Variants in INPP5A observed in about 807,000 individuals in gnomAD.
The protein encoded by INPP5A is inositol polyphosphate-5-phosphatase A.
A neutral mutation model predicts 65.2 loss-of-function variants in INPP5A; 14 were observed. That is an observed-to-expected ratio of 0.21 (90% CI 0.14 to 0.34). INPP5A has a LOEUF of 0.34. Ranked by LOEUF, INPP5A falls within the 10% of genes least tolerant of loss-of-function variation. INPP5A has a pLI of 1.00. For synonymous variants in INPP5A, 207 were observed against 208.3 expected, an observed-to-expected ratio of 0.99 and a Z score of 0.05; for missense variants, 431 against 545.6, an observed-to-expected ratio of 0.79 and a Z score of 2.09.
intron 11 of INPP5A, 120 bp from the exon 12 acceptor site, chr10:132,765,653 C>G: frequency 1.5e-6 from 1 of 675,672 alleles, no homozygotes; most frequent in Non-Finnish European, 2.7e-6. Context: ...ACAGATGTGG[C>G]GGCTCTGGGA....
chr10:132,737,081 A>G (rs1846189779), intron 9 of INPP5A, among the ~76,000 whole-genome samples: 1 of 152,230 alleles, frequency 6.6e-6, no homozygotes, highest in African/African-American at 2.4e-5. Context: ...CTGAGCTCCT[A>G]AAAACTGAGA....
chr10:132,700,060 G>A (rs369793660), intron 6 of INPP5A, among the ~76,000 whole-genome samples: 112 of 152,278 alleles, frequency 7.4e-4, no homozygotes, highest in African/African-American at 2.6e-3. Flanking sequence ...GGCATAGCAC[G>A]AGGGGCCGCC....
chr10:132,634,851 A>G (rs1488436059), intron 2 of INPP5A, among the ~76,000 whole-genome samples: 1 of 152,102 alleles, frequency 6.6e-6, no homozygotes, highest in Non-Finnish European at 1.5e-5. Context: ...CAGCCCTCCC[A>G]GGCTCATGGC....
intron 9 of INPP5A, among the ~76,000 whole-genome samples, chr10:132,733,049 C>T (rs558411584): frequency 6.6e-6 from 1 of 152,170 alleles, no homozygotes; most frequent in African/African-American, 2.4e-5. Context: ...CCAGGGGGGA[C>T]CCCTCCTTGC....
intron 8 of INPP5A, among the ~76,000 whole-genome samples, chr10:132,713,199 T>C (rs773954914): frequency 2.2e-4 from 34 of 151,896 alleles, no homozygotes; most frequent in Non-Finnish European, 4.4e-4. Flanking sequence ...TGCACATGTA[T>C]GTGTGTAGGT....
In INPP5A at chr10:132,538,019, A is replaced by C. The variant is rs559874623; in HGVS notation, c.-78A>C. The C allele has an allele frequency of 7.3e-6, 5 of 681,538 alleles. No homozygotes were observed. Among genetic ancestry groups the C allele is most frequent in the Non-Finnish European group, 9.0e-6 (5 of 555,556 alleles). The allele number at this position is 681,538 out of a possible 1,614,324, so 42.2% of individuals were successfully genotyped here. A position where few individuals can be genotyped will look rare whatever the true frequency, so the allele number is the denominator to read the frequency against. On this transcript the variant is annotated 5_prime_UTR_variant, in exon 1 of 16. Transcript: ENST00000368594. The surrounding 1 kb of genome is among the most constrained non-coding windows in gnomAD (Gnocchi z 4.1). ...CAGCTGACGCCCCGCGGCCCCGCGA[A>C]GACCCCGGCCGGCCGGTCCCGGAGG...
Position 132,555,381 on chromosome 10 carries a change from G to A in INPP5A, c.75+17210G>A, listed in dbSNP as rs2071113171. On this transcript the variant is annotated intron_variant, in intron 1 of 15. Transcript: ENST00000368594. This position sits in a 1 kb window ranked among gnomAD's most constrained non-coding sequence, Gnocchi z 4.4. ...GGCGCTGGCCCAGTGGAGCTGCTGG[G>A]GCCTATCTGTTTTTTTGAACTTCTG... is the stretch of plus-strand genomic sequence containing the variant. Among the ~76,000 whole-genome samples, 5 of 152,208 alleles carry A rather than the reference G, an allele frequency of 3.3e-5. No individual in the cohort carries two copies. In the South Asian group the frequency reaches 1.0e-3, roughly 32 times the overall value.
Position 132,608,541 on chromosome 10 carries a change from G to A in INPP5A, c.117+585G>A, listed in dbSNP as rs556796828. ...GCTGGTGCCCTCGCAGGTCTTCATG[G>A]AAGGAGCCACCTGGGGCCTGTGGCC... On this transcript the variant is annotated intron_variant, in intron 2 of 15. Coordinates refer to ENST00000368594, the MANE Select transcript of INPP5A (RefSeq NM_005539.5). 2.6e-5 allele frequency among the ~76,000 whole-genome samples: 4 copies of A among 152,360 alleles called. No homozygotes were observed. The South Asian group carries it at 6.2e-4, about 24-fold the overall frequency.
At chr10:132,633,022 G>A (rs1470910907) in intron 2 of INPP5A, among the ~76,000 whole-genome samples, 3 of 152,204 alleles carry the variant, frequency 2.0e-5, no homozygotes, top group African/African-American at 4.8e-5. Context: ...CTGGGGAGTT[G>A]GGGGGCTGGT....
At chr10:132,738,698 G>T (rs111879526) in intron 9 of INPP5A, among the ~76,000 whole-genome samples, 2 of 152,238 alleles carry the variant, frequency 1.3e-5, no homozygotes, top group Admixed American at 6.5e-5. Flanking sequence ...GCTGGAGTCC[G>T]GGAGCAACCT....
intron 2 of INPP5A, among the ~76,000 whole-genome samples, chr10:132,640,023 C>T (rs2072405253): frequency 6.6e-6 from 1 of 152,158 alleles, no homozygotes; most frequent in Non-Finnish European, 1.5e-5. Flanking sequence ...GCTTGAAAAC[C>T]TTCCTCTGCT....
chr10:132,549,023 C>A lies in INPP5A; in HGVS notation c.75+10852C>A, dbSNP rs915767115. 6.6e-6 allele frequency among the ~76,000 whole-genome samples: 1 copy of A among 152,000 alleles called. No individual in the cohort carries two copies. Among genetic ancestry groups the A allele is most frequent in the African/African-American group, 2.4e-5 (1 of 41,384 alleles). Reference sequence around the variant, plus strand: ...GCCCAGGCTGGTCTCGAATTCCTGGCCTCAAGTGATCCTCCCACCTTGGCC... The same window carrying A: ...GCCCAGGCTGGTCTCGAATTCCTGGACTCAAGTGATCCTCCCACCTTGGCC... On this transcript the variant is annotated intron_variant, in intron 1 of 15. Coordinates refer to ENST00000368594, the MANE Select transcript of INPP5A (RefSeq NM_005539.5). This position sits in a 1 kb window ranked among gnomAD's most constrained non-coding sequence, Gnocchi z 4.9.
At chr10:132,679,529 C>T (rs2073015755) in intron 4 of INPP5A, among the ~76,000 whole-genome samples, 1 of 151,998 alleles carries the variant, frequency 6.6e-6, no homozygotes, top group Admixed American at 6.6e-5. Flanking sequence ...TGAGCAGATC[C>T]AGAGTGCTGT....
rs1023979907 is a variant in INPP5A at position 132,549,220 on chromosome 10, G to T, written c.75+11049G>T. Among the ~76,000 whole-genome samples, 6 of 152,178 alleles carry T rather than the reference G, an allele frequency of 3.9e-5. No individual in the cohort carries two copies. Among genetic ancestry groups the T allele is most frequent in the Non-Finnish European group, 8.8e-5 (6 of 68,046 alleles). ...ACTGTTTGTGAATATGCACGTGCCTGTGTGGACGAGGGTGTCACTGCTCTA... is the reference window on the plus strand; with the variant it reads ...ACTGTTTGTGAATATGCACGTGCCTTTGTGGACGAGGGTGTCACTGCTCTA... On this transcript the variant is annotated intron_variant, in intron 1 of 15. Transcript: ENST00000368594. This position sits in a 1 kb window ranked among gnomAD's most constrained non-coding sequence, Gnocchi z 4.9.
intron 3 of INPP5A, among the ~76,000 whole-genome samples, chr10:132,647,411 C>T (rs1254344493): frequency 6.6e-6 from 1 of 152,194 alleles, no homozygotes; most frequent in East Asian, 1.9e-4. Context: ...AACCACCATG[C>T]CTGGCCAGTT....
chr10:132,726,032 G>A (rs141809468), intron 8 of INPP5A, among the ~76,000 whole-genome samples: 138 of 152,158 alleles, frequency 9.1e-4, no homozygotes, highest in African/African-American at 3.1e-3. Flanking sequence ...GACTGGAGCC[G>A]CTGAGGGGAG....
chr10:132,777,730 C>G lies in INPP5A; in HGVS notation c.1037C>G (p.Ala346Gly). ...GEQYMNTRCPAWCDRILMSPS... is the reference protein window; with the variant it reads ...GEQYMNTRCPGWCDRILMSPS... ...CAGTACATGAACACCCGGTGCCCAG[C>G]CTGGTGTGACCGCATCCTCATGTCC... is the stretch of plus-strand genomic sequence containing the variant. Residue 346 changes from alanine (A) to glycine (G), a missense_variant, in exon 13 of 16, where the codon GCC becomes GGC. By Grantham distance (60) the Ala-to-Gly change is moderately conservative. Coordinates refer to ENST00000368594, the MANE Select transcript of INPP5A (RefSeq NM_005539.5). The G allele has an allele frequency of 6.2e-7, 1 of 1,613,110 alleles. No individual in the cohort carries two copies. Among genetic ancestry groups the G allele is most frequent in the Non-Finnish European group, 8.5e-7 (1 of 1,180,008 alleles).
At chr10:132,639,458 G>A (rs1279550143) in intron 2 of INPP5A, among the ~76,000 whole-genome samples, 1 of 152,112 alleles carries the variant, frequency 6.6e-6, no homozygotes, top group East Asian at 1.9e-4. Context: ...GGTTTCAGAA[G>A]TTTTTTCTAT....
chr10:132,608,154 G>T (rs572097890), intron 2 of INPP5A, among the ~76,000 whole-genome samples, 198 bp downstream of exon 2: 6 of 152,224 alleles, frequency 3.9e-5, no homozygotes, highest in African/African-American at 1.4e-4. Context: ...GCCTGCCGGT[G>T]AGCCTGGCCA....
Sources: allele counts gnomAD v4.1 joint callset (sites outside exome capture counted in the v4.1 genomes callset), GRCh38; gene constraint gnomAD v4.1.1; non-coding constraint Gnocchi (gnomAD v3.1); transcripts MANE v1.5; gene names NCBI Gene and HGNC (gene_info 2026-07-23, HGNC 2026-07-21).